The following TRPC1 variants were observed in gnomAD, a reference collection of about 807,000 sequenced individuals.
TRPC1 encodes short transient receptor potential channel 1.
In TRPC1, 42 loss-of-function variants were observed where a neutral mutation model predicts 88.2. That is an observed-to-expected ratio of 0.48 (90% CI 0.37 to 0.62). The LOEUF is 0.62. Ranked by LOEUF, TRPC1 falls within the 20% of genes least tolerant of loss-of-function variation. TRPC1 has a pLI of 0.00. For synonymous variants in TRPC1, 288 were observed against 331.8 expected, an observed-to-expected ratio of 0.87 and a Z score of 1.43; for missense variants, 699 against 957.3, an observed-to-expected ratio of 0.73 and a Z score of 3.56.
At chr3:142,784,591 T>G (rs1936071736) in intron 6 of TRPC1, 113 bp from the exon 7 acceptor site, 1 of 830,142 alleles carries the variant, frequency 1.2e-6, no homozygotes, top group South Asian at 1.9e-5. Context: ...ATGTTGAATG[T>G]ATAGAATTGA....
chr3:142,780,191 AT>A (rs1249176889), intron 5 of TRPC1, among the ~76,000 whole-genome samples: 1 of 152,142 alleles, frequency 6.6e-6, no homozygotes, highest in African/African-American at 2.4e-5. Flanking sequence ...AAACTTCTTC[AT>A]TTCTCACAAA....
At chr3:142,789,637 ATTC>A (rs1465990222) in intron 7 of TRPC1, among the ~76,000 whole-genome samples, 1 of 152,142 alleles carries the variant, frequency 6.6e-6, no homozygotes, top group Non-Finnish European at 1.5e-5. Context: ...ACAGCACTCT[ATTC>A]TTTTGTTACT....
intron 4 of TRPC1, among the ~76,000 whole-genome samples, chr3:142,765,341 C>G (rs1935345128): frequency 4.6e-5 from 7 of 151,942 alleles, no homozygotes; most frequent in Admixed American, 4.6e-4. Context: ...TCATATGGAA[C>G]CAAAAAAGGA....
chr3:142,729,737 A>G (rs2049328), intron 1 of TRPC1, among the ~76,000 whole-genome samples: 32,191 of 152,062 alleles, frequency 0.21, 3,501 homozygotes, highest in East Asian at 0.33. Context: ...TTCCAAATTT[A>G]ATGATACTGA....
In TRPC1 at chr3:142,767,929, C is replaced by A. The variant is rs1428870021; in HGVS notation, c.633-9703C>A. On this transcript the variant is annotated intron_variant, in intron 4 of 12. Transcript: ENST00000476941. This position sits in a 1 kb window ranked among gnomAD's most constrained non-coding sequence, Gnocchi z 5.1. ...TGTGTATGTTTTTTTTTTAACTTTT[C>A]TGATGGTATCCTTTGAAGAATAAAA... is the stretch of plus-strand genomic sequence containing the variant. Among the ~76,000 whole-genome samples the A allele has an allele frequency of 6.7e-6, 1 of 149,930 alleles. No individual in the cohort carries two copies. Among genetic ancestry groups the A allele is most frequent in the South Asian group, 2.1e-4 (1 of 4,790 alleles).
chr3:142,755,450 C>T (rs551313120), intron 4 of TRPC1, among the ~76,000 whole-genome samples: 9 of 152,142 alleles, frequency 5.9e-5, no homozygotes, highest in Non-Finnish European at 1.2e-4. Flanking sequence ...AAATGTGGCT[C>T]TTCGCTACAG....
chr3:142,757,852 T>C (rs1282867267), intron 4 of TRPC1, among the ~76,000 whole-genome samples: 5 of 152,134 alleles, frequency 3.3e-5, no homozygotes, highest in African/African-American at 1.2e-4. Flanking sequence ...AGTACATATA[T>C]GTATTTATTG....
intron 9 of TRPC1, among the ~76,000 whole-genome samples, chr3:142,796,522 G>A (rs1283582378): frequency 6.6e-6 from 1 of 151,692 alleles, no homozygotes. Context: ...CCTCTCTCAG[G>A]TCCCACATGC....
chr3:142,756,580 C>T (rs1395338339), intron 4 of TRPC1, among the ~76,000 whole-genome samples: 3 of 151,986 alleles, frequency 2.0e-5, no homozygotes, highest in South Asian at 4.1e-4. Flanking sequence ...AGGATGGTCT[C>T]GATCTCCTGA....
chr3:142,748,586 A>T, intron 4 of TRPC1, 126 bp downstream of exon 4: 1 of 891,606 alleles, frequency 1.1e-6, no homozygotes, highest in South Asian at 1.7e-5. Flanking sequence ...TGAAAGCCAA[A>T]CTTGTAGCTC....
intron 1 of TRPC1, among the ~76,000 whole-genome samples, chr3:142,725,179 C>T (rs1280599449): frequency 6.6e-6 from 1 of 152,208 alleles, no homozygotes; most frequent in Non-Finnish European, 1.5e-5. Flanking sequence ...TTCTCATCAC[C>T]TGGTTTTTGT....
At chr3:142,757,461 A>C (rs1935015693) in intron 4 of TRPC1, among the ~76,000 whole-genome samples, 2 of 152,138 alleles carry the variant, frequency 1.3e-5, no homozygotes, top group South Asian at 4.2e-4. Flanking sequence ...ATACCCTGGA[A>C]TACTAGGCAT....
chr3:142,728,521 A>G (rs970853250), intron 1 of TRPC1, among the ~76,000 whole-genome samples: 15 of 151,920 alleles, frequency 9.9e-5, no homozygotes, highest in African/African-American at 3.4e-4. Context: ...GGGTTTCACC[A>G]TGTTGGCCAG....
intron 2 of TRPC1, among the ~76,000 whole-genome samples, chr3:142,742,908 G>T (rs1174440884): frequency 6.6e-6 from 1 of 152,074 alleles, no homozygotes; most frequent in Non-Finnish European, 1.5e-5. Context: ...ATGAACTTTG[G>T]TAGCCTAACT....
intron 9 of TRPC1, among the ~76,000 whole-genome samples, chr3:142,797,170 A>T (rs113677339): frequency 2.1e-4 from 31 of 148,216 alleles, no homozygotes; most frequent in African/African-American, 7.8e-4. Context: ...AGTGGAAAAA[A>T]GGTTGTTTTT....
Position 142,724,589 on chromosome 3 carries a change from C to G in TRPC1, c.30C>G (p.Asp10Glu). Residue 10 changes from aspartate to glutamate, a missense_variant, in exon 1 of 13, where the codon GAC becomes GAG. By Grantham distance (45) the Asp-to-Glu change is conservative (BLOSUM62 2). Coordinates refer to ENST00000476941, the MANE Select transcript of TRPC1 (RefSeq NM_001251845.2). This position sits in a 1 kb window ranked among gnomAD's most constrained non-coding sequence, Gnocchi z 5.6. ...TGGCGGCCCTGTACCCGAGCACGGA[C>G]CTCTCGGGCGCCTCCTCCTCCTCCC... MMAALYPST[D>E]LSGASSSSLP... The G allele has an allele frequency of 6.3e-7, 1 of 1,597,836 alleles. No individual in the cohort carries two copies. The highest frequency in any genetic ancestry group is 8.5e-7 in the Non-Finnish European group (1 of 1,173,480).
intron 1 of TRPC1, among the ~76,000 whole-genome samples, chr3:142,732,728 CA>C (rs1038291555): frequency 1.3e-5 from 2 of 152,104 alleles, no homozygotes; most frequent in East Asian, 1.9e-4. Flanking sequence ...ACCATCTAGC[CA>C]AAAAAGTAAA....
At chr3:142,755,197 T>G (rs1577965520) in intron 4 of TRPC1, among the ~76,000 whole-genome samples, 1 of 151,840 alleles carries the variant, frequency 6.6e-6, no homozygotes, top group Non-Finnish European at 1.5e-5. Flanking sequence ...CTGAGGCAGG[T>G]GGATCACCTG....
At chr3:142,742,377 C>G (rs372493579) in intron 2 of TRPC1, among the ~76,000 whole-genome samples, 269 of 152,138 alleles carry the variant, frequency 1.8e-3, no homozygotes, top group African/African-American at 5.7e-3. Context: ...AATTTCCCAT[C>G]TGGGTGGGAA....
Sources: allele counts gnomAD v4.1 joint callset (sites outside exome capture counted in the v4.1 genomes callset), GRCh38; gene constraint gnomAD v4.1.1; non-coding constraint Gnocchi (gnomAD v3.1); transcripts MANE v1.5; gene names NCBI Gene and HGNC (gene_info 2026-07-23, HGNC 2026-07-21).